Variants in GALNTL6 observed in about 807,000 individuals in gnomAD.
GALNTL6 encodes the protein polypeptide N-acetylgalactosaminyltransferase-like 6.
A neutral mutation model predicts 73.7 loss-of-function variants in GALNTL6; 46 were observed. The observed-to-expected ratio is 0.62, with a 90% CI of 0.49 to 0.80. The LOEUF (loss-of-function observed/expected upper bound fraction) is 0.80. GALNTL6 is among the 30% of genes least tolerant of loss of function. The probability of loss-of-function intolerance (pLI) is 0.00; values close to 1 mark genes in which losing one functional copy is unlikely to be tolerated. For synonymous variants in GALNTL6, 259 were observed against 263.7 expected, an observed-to-expected ratio of 0.98 and a Z score of 0.17; for missense variants, 604 against 755.0, an observed-to-expected ratio of 0.80 and a Z score of 2.34.
At chr4:172,465,297 GA>G (rs1732768407) in intron 5 of GALNTL6, among the ~76,000 whole-genome samples, 1 of 152,064 alleles carries the variant, frequency 6.6e-6, no homozygotes, top group Admixed American at 6.6e-5. Context: ...CTAACACGGT[GA>G]AACCCCATCT....
chr4:173,030,097 A>C (rs899440882), intron 12 of GALNTL6, among the ~76,000 whole-genome samples: 3 of 152,328 alleles, frequency 2.0e-5, no homozygotes, highest in Non-Finnish European at 4.4e-5. Flanking sequence ...CATCTTGCTG[A>C]AAACCAGATG....
intron 5 of GALNTL6, among the ~76,000 whole-genome samples, chr4:172,682,781 T>C (rs1226922557): frequency 6.6e-6 from 1 of 152,082 alleles, no homozygotes; most frequent in Admixed American, 6.5e-5. Context: ...AATTTTAACC[T>C]GGTCAGTTCC....
At chr4:172,447,538 A>G (rs1015072691) in intron 5 of GALNTL6, among the ~76,000 whole-genome samples, 4 of 152,200 alleles carry the variant, frequency 2.6e-5, no homozygotes, top group Admixed American at 1.3e-4. Context: ...TAAAGATAGC[A>G]GAGAAGAAGC....
At position 172,510,838 on chromosome 4, in the gene GALNTL6, G is replaced by A. The variant is rs542990730; in HGVS notation, c.553+162149G>A. On this transcript the variant is annotated intron_variant, in intron 5 of 12. Coordinates refer to ENST00000506823, the MANE Select transcript of GALNTL6 (RefSeq NM_001034845.3). The stretch of plus-strand genomic sequence containing the variant: ...ATCTTTTTGATATGCTGTTAGATTT[G>A]CTTAGCTAGTTATTTTATTGAGGAT... Among the ~76,000 whole-genome samples, 2 of 54,970 alleles carry A rather than the reference G, an allele frequency of 3.6e-5. 1 individual carries two copies. The highest frequency in any genetic ancestry group is 9.0e-5 in the African/African-American group (2 of 22,102). The allele number at this position is 54,970 out of a possible 152,430, so 36.1% of individuals were successfully genotyped here. A position where few individuals can be genotyped will look rare whatever the true frequency, so the allele number is the denominator to read the frequency against.
At chr4:171,884,089 T>C (rs1736542885) in intron 2 of GALNTL6, among the ~76,000 whole-genome samples, 1 of 152,238 alleles carries the variant, frequency 6.6e-6, no homozygotes, top group African/African-American at 2.4e-5. Flanking sequence ...TCTCGAAAAG[T>C]TGCAGTTAGC....
chr4:172,965,867 C>A (rs1016464496), intron 10 of GALNTL6, among the ~76,000 whole-genome samples: 6 of 151,962 alleles, frequency 3.9e-5, no homozygotes, highest in Non-Finnish European at 8.8e-5. Context: ...TAAATATATA[C>A]TTTTTTGGAT....
intron 7 of GALNTL6, among the ~76,000 whole-genome samples, chr4:172,861,530 A>C (rs1744394332): frequency 6.6e-6 from 1 of 152,202 alleles, no homozygotes; most frequent in Non-Finnish European, 1.5e-5. Context: ...GATTACATGT[A>C]AGAATGAGCC....
chr4:172,147,915 T>C (rs1226581318), intron 2 of GALNTL6, among the ~76,000 whole-genome samples: 1 of 152,124 alleles, frequency 6.6e-6, no homozygotes, highest in Non-Finnish European at 1.5e-5. Context: ...TTTAATAGCA[T>C]TGTGAATAAA....
rs189779434 is a variant in GALNTL6, at chr4:171,996,615, A to G, written c.138+181897A>G. Among the ~76,000 whole-genome samples, 378 of 151,616 alleles carry G rather than the reference A, an allele frequency of 2.5e-3. 2 individuals are homozygous for G. Among genetic ancestry groups the G allele is most frequent in the African/African-American group, 8.5e-3 (351 of 41,416 alleles). On this transcript the variant is annotated intron_variant, in intron 2 of 12. Transcript: ENST00000506823. Reference sequence around the variant, plus strand: ...ATAATGCTATTATTTTACTATTATTATATTCTTCAAAGCAGAGGTGTCCAA... The same window carrying G: ...ATAATGCTATTATTTTACTATTATTGTATTCTTCAAAGCAGAGGTGTCCAA...
Position 172,931,250 on chromosome 4 carries a change from T to C in GALNTL6, c.1131T>C (p.Ser377=). The change falls in exon 9 of 13, where the codon TCT becomes TCC. Residue 377 remains serine (S), a synonymous_variant. Coordinates refer to ENST00000506823, the MANE Select transcript of GALNTL6 (RefSeq NM_001034845.3). ...YRKYVPYKVP[S]GTSLARNLKR... ...AGTACGTTCCATACAAAGTTCCATC[T>C]GGGACAAGCCTGGCAAGAGTGAGTA... is the stretch of plus-strand genomic sequence containing the variant. 1 of 1,602,512 alleles carries C rather than the reference T, an allele frequency of 6.2e-7. No homozygotes were observed. Among genetic ancestry groups the C allele is most frequent in the Non-Finnish European group, 8.6e-7 (1 of 1,169,266 alleles).
At chr4:172,515,614 G>C (rs1226583600) in intron 5 of GALNTL6, among the ~76,000 whole-genome samples, 1 of 152,228 alleles carries the variant, frequency 6.6e-6, no homozygotes, top group South Asian at 2.1e-4. Context: ...TGAACACTGG[G>C]TGTGATAACA....
At chr4:172,014,709 A>C (rs528003245) in intron 2 of GALNTL6, among the ~76,000 whole-genome samples, 108 of 151,966 alleles carry the variant, frequency 7.1e-4, no homozygotes, top group Non-Finnish European at 1.4e-3. Flanking sequence ...TCCTCTTAGC[A>C]CTGCTTTTGT....
At chr4:172,270,522 T>C (rs534826707) in intron 3 of GALNTL6, among the ~76,000 whole-genome samples, 1 of 152,316 alleles carries the variant, frequency 6.6e-6, no homozygotes, top group Non-Finnish European at 1.5e-5. Context: ...GACTGTACCA[T>C]ACAGTGCATG....
chr4:172,989,532 G>A (rs1751451376), intron 10 of GALNTL6, among the ~76,000 whole-genome samples: 1 of 152,210 alleles, frequency 6.6e-6, no homozygotes, highest in South Asian at 2.1e-4. Flanking sequence ...AATCCCTAGT[G>A]TTGGAGTAGG....
chr4:172,778,727 C>T (rs1010347027), intron 5 of GALNTL6, among the ~76,000 whole-genome samples: 2 of 152,208 alleles, frequency 1.3e-5, no homozygotes, highest in Non-Finnish European at 2.9e-5. Flanking sequence ...CAAACTTGGA[C>T]AACTTCAGTG....
chr4:172,543,011 T>C (rs945939029), intron 5 of GALNTL6, among the ~76,000 whole-genome samples: 11 of 151,778 alleles, frequency 7.2e-5, no homozygotes, highest in Non-Finnish European at 1.3e-4. Flanking sequence ...ACAGAAGAAT[T>C]GTTTGAACCC....
At chr4:172,185,111 G>A (rs1735378417) in intron 2 of GALNTL6, among the ~76,000 whole-genome samples, 4 of 152,164 alleles carry the variant, frequency 2.6e-5, no homozygotes, top group Admixed American at 2.6e-4. Context: ...GCAGCCCTGT[G>A]CCTTGAGCTG....
intron 5 of GALNTL6, among the ~76,000 whole-genome samples, chr4:172,658,364 G>A (rs1731189926): frequency 6.7e-6 from 1 of 150,194 alleles, no homozygotes; most frequent in Non-Finnish European, 1.5e-5. Flanking sequence ...CTACTCGGGA[G>A]GCTGAGGCAG....
intron 8 of GALNTL6, among the ~76,000 whole-genome samples, chr4:172,927,153 T>C (rs147211253): frequency 6.6e-6 from 1 of 152,342 alleles, no homozygotes; most frequent in East Asian, 1.9e-4. Context: ...GGGAAAAATA[T>C]ATTATAAATA....
Sources: allele counts gnomAD v4.1 joint callset (sites outside exome capture counted in the v4.1 genomes callset), GRCh38; gene constraint gnomAD v4.1.1; transcripts MANE v1.5; gene names NCBI Gene and HGNC (gene_info 2026-07-23, HGNC 2026-07-21).